KALRN: variants seen among roughly 807,000 people sequenced by gnomAD.
KALRN encodes kalirin RhoGEF kinase.
A neutral mutation model predicts 353.7 loss-of-function variants in KALRN; 70 were observed. The observed-to-expected ratio is 0.20, with a 90% CI of 0.16 to 0.24. The LOEUF (loss-of-function observed/expected upper bound fraction) is 0.24. KALRN is among the 10% of genes least tolerant of loss of function. The pLI is 1.00. For synonymous variants in KALRN, 1,391 were observed against 1,434.8 expected, an observed-to-expected ratio of 0.97 and a Z score of 0.69; for missense variants, 2,791 against 3,756.7, an observed-to-expected ratio of 0.74 and a Z score of 6.72.
chr3:124,588,895 C>T (rs2076719), intron 34 of KALRN, among the ~76,000 whole-genome samples: 44,804 of 152,150 alleles, frequency 0.29, 7,338 homozygotes, highest in Middle Eastern at 0.4. Context: ...GCCATTGTGT[C>T]TTCACATTTA....
chr3:124,088,942 G>A (rs1323061079), intron 1 of KALRN, among the ~76,000 whole-genome samples: 1 of 151,926 alleles, frequency 6.6e-6, no homozygotes, highest in Non-Finnish European at 1.5e-5. Flanking sequence ...CCAGCTTGAT[G>A]TGTATGTAGG....
chr3:124,220,386 G>T (rs1385637093), intron 1 of KALRN, among the ~76,000 whole-genome samples: 1 of 143,610 alleles, frequency 7.0e-6, no homozygotes, highest in Non-Finnish European at 1.5e-5. Context: ...CTCTCTTTCT[G>T]TGTGTGTGTG....
chr3:124,681,848 T>A (rs572933719), intron 51 of KALRN, among the ~76,000 whole-genome samples: 5 of 152,176 alleles, frequency 3.3e-5, no homozygotes, highest in South Asian at 2.1e-4. Flanking sequence ...GAGGCTTGTA[T>A]TGAACTCCTG....
intron 1 of KALRN, among the ~76,000 whole-genome samples, chr3:124,200,475 C>CT (rs1016371108): frequency 2.6e-5 from 4 of 152,274 alleles, no homozygotes; most frequent in African/African-American, 7.2e-5. Flanking sequence ...TCTCTGGGGT[C>CT]TTTTTTAAAG....
intron 51 of KALRN, 57 bp from the exon 52 acceptor site, chr3:124,693,747 T>C: frequency 8.4e-7 from 1 of 1,192,702 alleles, no homozygotes; most frequent in Non-Finnish European, 1.2e-6. Flanking sequence ...TGAAGTCCCT[T>C]GTTCTCTTTT....
At chr3:124,713,640 G>A (rs554778683) in intron 58 of KALRN, among the ~76,000 whole-genome samples, 4 of 152,126 alleles carry the variant, frequency 2.6e-5, no homozygotes, top group East Asian at 3.9e-4. Context: ...AACCATATAC[G>A]TGACCCCTAG....
At chr3:124,216,186 C>T (rs2077310608) in intron 1 of KALRN, among the ~76,000 whole-genome samples, 1 of 152,210 alleles carries the variant, frequency 6.6e-6, no homozygotes, top group South Asian at 2.1e-4. Context: ...CCATCTGCCA[C>T]AGTTTCCATT....
At chr3:124,108,344 A>G (rs1559968523) in intron 1 of KALRN, among the ~76,000 whole-genome samples, 1 of 152,204 alleles carries the variant, frequency 6.6e-6, no homozygotes, top group Admixed American at 6.5e-5. Flanking sequence ...CTCCAGGAAA[A>G]TGTATTAATT....
Position 124,124,163 on chromosome 3 carries a change from A to G in KALRN, c.73+90350A>G, listed in dbSNP as rs190557571. On this transcript the variant is annotated intron_variant, in intron 1 of 59. Transcript: ENST00000682506. ...AGGATTCATCATTGTAGATGCCTTA[A>G]GAACATTTGTGGTTCGTGGGAGGAG... Among the ~76,000 whole-genome samples, 278 of 152,356 alleles carry G rather than the reference A, an allele frequency of 1.8e-3. 1 individual carries two copies. Among genetic ancestry groups the G allele is most frequent in the Non-Finnish European group, 3.3e-3 (225 of 68,038 alleles).
intron 1 of KALRN, among the ~76,000 whole-genome samples, chr3:124,166,582 A>G (rs2070887679): frequency 6.6e-6 from 1 of 152,214 alleles, no homozygotes; most frequent in South Asian, 2.1e-4. Context: ...CTTTATTTCC[A>G]GGACCCACAC....
Position 124,164,131 on chromosome 3 carries a change from G to T in KALRN, c.74-63859G>T, listed in dbSNP as rs552233065. On this transcript the variant is annotated intron_variant, in intron 1 of 59. Transcript: ENST00000682506. Reference sequence around the variant, plus strand: ...ACCTCTGTTTCAGATTAATTTAGGCGGCATATAAAATCTCTGTGCACTGCC... The same window carrying T: ...ACCTCTGTTTCAGATTAATTTAGGCTGCATATAAAATCTCTGTGCACTGCC... The T allele has an allele frequency of 2.3e-5, 6 of 259,150 alleles. No homozygotes were observed. The South Asian group carries it at 8.9e-4, about 38-fold the overall frequency. 16.1% of individuals were successfully genotyped at this position (259,150 alleles called of 1,614,324 possible).
At chr3:124,405,638 G>GTTTTTTTTTTTTTTTTTTTTTTTTTTTT (rs71145451) in intron 13 of KALRN, among the ~76,000 whole-genome samples, 1 of 83,868 alleles carries the variant, frequency 1.2e-5, no homozygotes. Flanking sequence ...GGACCTCAGG[G>GTTTTTTTTTTTTTTTTTTTTTTTTTTTT]TTTTTTTTTT....
At chr3:124,477,134 C>G in intron 26 of KALRN, 111 bp from the exon 27 acceptor site, 2 of 631,580 alleles carry the variant, frequency 3.2e-6, no homozygotes, top group Non-Finnish European at 5.5e-6. Context: ...AAAATCTAGA[C>G]ACTGGTGTCT....
chr3:124,036,120 C>G (rs1373296349), intron 1 of KALRN, among the ~76,000 whole-genome samples: 1 of 152,086 alleles, frequency 6.6e-6, no homozygotes, highest in Non-Finnish European at 1.5e-5. Flanking sequence ...TATAGATAAA[C>G]TGTGTGTCAC....
At chr3:124,313,264 T>G (rs1262661608) in intron 6 of KALRN, among the ~76,000 whole-genome samples, 1 of 152,124 alleles carries the variant, frequency 6.6e-6, no homozygotes, top group African/African-American at 2.4e-5. Context: ...GCAAAGCCAC[T>G]AAAAAGCAAA....
At chr3:124,140,795 G>GGC (rs1553788164) in intron 1 of KALRN, among the ~76,000 whole-genome samples, 2 of 145,182 alleles carry the variant, frequency 1.4e-5, no homozygotes, top group African/African-American at 5.6e-5. Flanking sequence ...TTGCCCTCCC[G>GGC]GGGGGGGCAC....
intron 45 of KALRN, 100 bp from the exon 46 acceptor site, chr3:124,666,349 T>C: frequency 9.4e-7 from 1 of 1,066,896 alleles, no homozygotes; most frequent in African/African-American, 1.6e-5. Context: ...TTGTCAAATC[T>C]GTTGCCCGTA....
chr3:124,137,962 G>A (rs1385939828), intron 1 of KALRN, among the ~76,000 whole-genome samples: 1 of 152,148 alleles, frequency 6.6e-6, no homozygotes, highest in Non-Finnish European at 1.5e-5. Flanking sequence ...TGTGGATCTG[G>A]GAGGAAGTAT....
intron 14 of KALRN, among the ~76,000 whole-genome samples, chr3:124,419,494 G>A (rs568849690): frequency 6.6e-6 from 1 of 152,030 alleles, no homozygotes; most frequent in Admixed American, 6.6e-5. Flanking sequence ...CTTCCCCCAA[G>A]CTCTCAGGTA....
Sources: gnomAD v4.1 joint callset for allele counts (sites outside exome capture counted in the v4.1 genomes callset) on GRCh38, gnomAD v4.1.1 for gene constraint, MANE v1.5 for transcripts, NCBI Gene and HGNC (gene_info 2026-07-23, HGNC 2026-07-21) for gene names.